BRINP3: variants seen among roughly 807,000 people sequenced by gnomAD.
BRINP3 encodes the protein BMP/retinoic acid-inducible neural-specific protein 3.
Under a neutral mutation model 71.0 loss-of-function variants are expected in BRINP3, and 19 were observed. The observed-to-expected ratio is 0.27, with a 90% CI of 0.19 to 0.39. BRINP3 has a LOEUF of 0.39. BRINP3 is among the 10% of genes least tolerant of loss of function. The pLI, the probability that BRINP3 is intolerant of heterozygous loss-of-function variation, is 1.00. For missense variants in BRINP3, 959 were observed against 940.8 expected (o/e 1.02, Z -0.25); for synonymous variants, 380 against 337.7 (o/e 1.13, Z -1.37).
chr1:190,255,534 T>G (rs1194711978), intron 4 of BRINP3, among the ~76,000 whole-genome samples: 1 of 152,186 alleles, frequency 6.6e-6, no homozygotes, highest in Non-Finnish European at 1.5e-5. Context: ...TCCAGGAATT[T>G]GTCTATTTCT....
chr1:190,317,159 G>A (rs558773377), intron 2 of BRINP3, among the ~76,000 whole-genome samples: 5 of 118,408 alleles, frequency 4.2e-5, no homozygotes, highest in Non-Finnish European at 6.9e-5. Flanking sequence ...GTGGCTGAGC[G>A]AGAGTCCATC....
At chr1:190,440,597 G>C (rs1389857767) in intron 2 of BRINP3, among the ~76,000 whole-genome samples, 2 of 151,806 alleles carry the variant, frequency 1.3e-5, no homozygotes, top group Non-Finnish European at 1.5e-5. Flanking sequence ...TACTAGATGA[G>C]GACTCAAAGA....
intron 7 of BRINP3, among the ~76,000 whole-genome samples, chr1:190,147,239 C>T (rs1655968636): frequency 6.6e-6 from 1 of 152,010 alleles, no homozygotes; most frequent in Non-Finnish European, 1.5e-5. Flanking sequence ...TGCGTATTTT[C>T]TAATTTTCAA....
chr1:190,124,849 GTT>G (rs1434383824), intron 7 of BRINP3, among the ~76,000 whole-genome samples: 3 of 152,002 alleles, frequency 2.0e-5, no homozygotes, highest in African/African-American at 7.2e-5. Flanking sequence ...AAAAATTAGT[GTT>G]TATATTTACC....
chr1:190,313,645 C>A (rs1665684620), intron 2 of BRINP3, among the ~76,000 whole-genome samples: 1 of 151,954 alleles, frequency 6.6e-6, no homozygotes, highest in Non-Finnish European at 1.5e-5. Context: ...AAGTTCTGGG[C>A]ACTCTGATAA....
At chr1:190,347,211 GT>G (rs1221955583) in intron 2 of BRINP3, among the ~76,000 whole-genome samples, 1 of 152,058 alleles carries the variant, frequency 6.6e-6, no homozygotes, top group Non-Finnish European at 1.5e-5. Flanking sequence ...TGCAATTTCG[GT>G]TCACTACAAC....
At chr1:190,396,534 C>T (rs1315431825) in intron 2 of BRINP3, among the ~76,000 whole-genome samples, 1 of 151,362 alleles carries the variant, frequency 6.6e-6, no homozygotes. Context: ...CCATCAACTA[C>T]AGAAACCCAT....
At chr1:190,423,254 T>A (rs1673495931) in intron 2 of BRINP3, among the ~76,000 whole-genome samples, 1 of 151,762 alleles carries the variant, frequency 6.6e-6, no homozygotes, top group Non-Finnish European at 1.5e-5. Flanking sequence ...CTATGGGGTT[T>A]TACCTCTTAC....
chr1:190,443,592 G>T lies in BRINP3; in HGVS notation c.236+11063C>A, dbSNP rs1571325232. On this transcript the variant is annotated intron_variant, in intron 2 of 7. Transcript: ENST00000367462. ...GAAACAGAACCAGGCAGCCATACCT[G>T]CATGAGGGAGCAGTGGGTCACAGAC... Among the ~76,000 whole-genome samples, 4 of 152,226 alleles carry T rather than the reference G, an allele frequency of 2.6e-5. No homozygotes were observed. In the South Asian group the frequency reaches 8.3e-4, roughly 32 times the overall value.
chr1:190,234,519 T>C, intron 4 of BRINP3, 42 bp from the exon 5 acceptor site: 1 of 1,455,608 alleles, frequency 6.9e-7, no homozygotes, highest in Non-Finnish European at 9.6e-7. Context: ...AATCAGACTT[T>C]ACAATGTCCT....
chr1:190,474,163 G>A (rs1366377634), intron 1 of BRINP3, among the ~76,000 whole-genome samples: 3 of 151,860 alleles, frequency 2.0e-5, no homozygotes, highest in South Asian at 2.1e-4. Context: ...TCTAACCTTG[G>A]TCCAGTTTCT....
At chr1:190,465,303 T>C (rs1003614608) in intron 1 of BRINP3, among the ~76,000 whole-genome samples, 4 of 151,904 alleles carry the variant, frequency 2.6e-5, no homozygotes, top group African/African-American at 9.7e-5. Flanking sequence ...GATTGGAAAA[T>C]CTAATTTTAA....
intron 7 of BRINP3, among the ~76,000 whole-genome samples, chr1:190,121,860 T>C (rs1653692991): frequency 6.6e-6 from 1 of 151,802 alleles, no homozygotes; most frequent in African/African-American, 2.4e-5. Flanking sequence ...AAATTAGGAG[T>C]ATGTAAATAA....
intron 6 of BRINP3, among the ~76,000 whole-genome samples, chr1:190,200,475 C>T (rs1248838621): frequency 6.6e-6 from 1 of 152,078 alleles, no homozygotes; most frequent in Non-Finnish European, 1.5e-5. Flanking sequence ...AAGAACCTCA[C>T]TAGGAACATA....
intron 2 of BRINP3, among the ~76,000 whole-genome samples, chr1:190,356,487 C>A (rs534201777): frequency 5.9e-5 from 9 of 152,028 alleles, no homozygotes; most frequent in African/African-American, 2.2e-4. Context: ...GAAGCTATAA[C>A]AAATTACTAG....
chr1:190,306,489 G>T (rs906015440), intron 2 of BRINP3, among the ~76,000 whole-genome samples: 10 of 151,862 alleles, frequency 6.6e-5, no homozygotes, highest in Admixed American at 4.6e-4. Context: ...ATTAACTAAT[G>T]AAAACTGTAT....
intron 4 of BRINP3, among the ~76,000 whole-genome samples, chr1:190,259,551 A>G (rs1660980989): frequency 6.6e-6 from 1 of 150,912 alleles, no homozygotes; most frequent in Non-Finnish European, 1.5e-5. Context: ...GAGAAGGAAC[A>G]CTTTCTTCCT....
At chr1:190,430,534 C>T (rs1222274948) in intron 2 of BRINP3, among the ~76,000 whole-genome samples, 1 of 152,040 alleles carries the variant, frequency 6.6e-6, no homozygotes, top group African/African-American at 2.4e-5. Flanking sequence ...TGGTAAAGTT[C>T]AGAGTCCCAA....
At chr1:190,180,510 T>C (rs980774385) in intron 6 of BRINP3, among the ~76,000 whole-genome samples, 1 of 152,032 alleles carries the variant, frequency 6.6e-6, no homozygotes, top group African/African-American at 2.4e-5. Flanking sequence ...ATAATACTTA[T>C]GATATATTTT....
Sources: allele counts gnomAD v4.1 joint callset (sites outside exome capture counted in the v4.1 genomes callset), GRCh38; gene constraint gnomAD v4.1.1; transcripts MANE v1.5; gene names NCBI Gene and HGNC (gene_info 2026-07-23, HGNC 2026-07-21).